The following NLGN1 variants were observed in gnomAD, a reference collection of about 807,000 sequenced individuals.
NLGN1 encodes neuroligin-1.
Under a neutral mutation model 65.5 loss-of-function variants are expected in NLGN1, and 12 were observed. That is an observed-to-expected ratio of 0.18 (90% CI 0.12 to 0.30). The LOEUF (loss-of-function observed/expected upper bound fraction) is 0.30, where lower values mean the gene tolerates loss of function less well. Among genes scored for constraint, NLGN1 ranks in the 10% least tolerant of loss-of-function variants. NLGN1 has a pLI of 1.00. For missense variants in NLGN1, 750 were observed against 1,007.1 expected (o/e 0.74, Z 3.46); for synonymous variants, 350 against 359.5 (o/e 0.97, Z 0.30).
intron 4 of NLGN1, among the ~76,000 whole-genome samples, chr3:174,082,629 C>A (rs149358759): frequency 6.6e-6 from 1 of 151,446 alleles, no homozygotes; most frequent in African/African-American, 2.4e-5. Context: ...AAGATTGGAG[C>A]TTTGTTTTAA....
intron 4 of NLGN1, among the ~76,000 whole-genome samples, chr3:173,853,049 C>G (rs1727285695): frequency 6.6e-6 from 1 of 152,148 alleles, no homozygotes; most frequent in Non-Finnish European, 1.5e-5. Context: ...CAATTCTCTA[C>G]ACATTTATAC....
intron 4 of NLGN1, among the ~76,000 whole-genome samples, chr3:174,263,046 G>C (rs1477841906): frequency 7.3e-6 from 1 of 136,988 alleles, no homozygotes; most frequent in Admixed American, 7.5e-5. Flanking sequence ...TGTGGTCTGA[G>C]AGATAGTTTG....
At chr3:174,277,376 A>ATATT (rs1261158747) in intron 5 of NLGN1, among the ~76,000 whole-genome samples, 2 of 151,894 alleles carry the variant, frequency 1.3e-5, no homozygotes, top group Admixed American at 1.3e-4. Context: ...CATTTTTCCC[A>ATATT]TATTTTAGGA....
intron 2 of NLGN1, among the ~76,000 whole-genome samples, chr3:173,584,067 G>T (rs962359185): frequency 1.4e-5 from 2 of 143,546 alleles, no homozygotes; most frequent in African/African-American, 5.5e-5. Flanking sequence ...GGAAATTTTT[G>T]TAGACAAAAA....
intron 2 of NLGN1, among the ~76,000 whole-genome samples, chr3:173,553,724 T>A (rs2149271844): frequency 1.3e-5 from 2 of 152,330 alleles, no homozygotes; most frequent in East Asian, 3.9e-4. Context: ...AGTGGTTAGG[T>A]TTAACAACTA....
intron 3 of NLGN1, among the ~76,000 whole-genome samples, chr3:173,802,153 T>C (rs1184948186): frequency 6.6e-6 from 1 of 151,640 alleles, no homozygotes; most frequent in East Asian, 1.9e-4. Context: ...ATTTTTTTTT[T>C]CCTTTTGTTA....
chr3:173,661,668 G>A (rs555582101), intron 3 of NLGN1, among the ~76,000 whole-genome samples: 57 of 152,108 alleles, frequency 3.7e-4, no homozygotes, highest in African/African-American at 1.2e-3. Flanking sequence ...TTAGAGAAAT[G>A]TGTACTATTC....
intron 4 of NLGN1, among the ~76,000 whole-genome samples, chr3:174,002,891 G>T (rs779665829): frequency 2.0e-5 from 3 of 152,240 alleles, no homozygotes; most frequent in Non-Finnish European, 4.4e-5. Flanking sequence ...TGTAAGTGAA[G>T]ATTTTAAGCT....
At chr3:173,788,992 T>C (rs1353305266) in intron 3 of NLGN1, among the ~76,000 whole-genome samples, 1 of 151,900 alleles carries the variant, frequency 6.6e-6, no homozygotes, top group African/African-American at 2.4e-5. Flanking sequence ...GGTCAGGAGT[T>C]CCAGACCAAC....
intron 4 of NLGN1, among the ~76,000 whole-genome samples, chr3:173,819,373 G>T (rs1291692507): frequency 6.6e-6 from 1 of 151,992 alleles, no homozygotes. Flanking sequence ...ATCTCTAAAC[G>T]GTTCTCACTG....
chr3:174,266,793 T>C (rs1748331527), intron 4 of NLGN1, among the ~76,000 whole-genome samples: 1 of 152,196 alleles, frequency 6.6e-6, no homozygotes, highest in East Asian at 1.9e-4. Flanking sequence ...GTGGTAAATT[T>C]AACCCTATTT....
chr3:173,869,555 A>G (rs954000402), intron 4 of NLGN1, among the ~76,000 whole-genome samples: 2 of 152,174 alleles, frequency 1.3e-5, no homozygotes, highest in Non-Finnish European at 2.9e-5. Context: ...TTAAGAGGAC[A>G]GTTTTTCTGT....
rs554821573 is a variant in NLGN1 at position 173,539,815 on chromosome 3, C to CATATATAA, written c.-320-64460_-320-64459insATAAATAT. On this transcript the variant is annotated intron_variant, in intron 2 of 6. Transcript: ENST00000457714. ...ATATATACATATATATACATATATA[C>CATATATAA]ATATGTTATATATGTATATATGTTA... is the stretch of plus-strand genomic sequence containing the variant. Among the ~76,000 whole-genome samples, 14 of 131,534 alleles carry CATATATAA rather than the reference C, an allele frequency of 1.1e-4. 1 individual carries two copies. Among genetic ancestry groups the CATATATAA allele is most frequent in the South Asian group, 6.7e-4 (3 of 4,510 alleles). The allele number at this position is 131,534 out of a possible 152,430, so 86.3% of individuals were successfully genotyped here. A position where few individuals can be genotyped will look rare whatever the true frequency, so the allele number is the denominator to read the frequency against.
At chr3:173,761,338 G>T (rs2150209069) in intron 3 of NLGN1, among the ~76,000 whole-genome samples, 1 of 152,104 alleles carries the variant, frequency 6.6e-6, no homozygotes, top group Middle Eastern at 3.4e-3. Context: ...CTCCCTGGAG[G>T]TTGGCAGGGG....
At chr3:174,127,840 C>G (rs1016420145) in intron 4 of NLGN1, among the ~76,000 whole-genome samples, 15 of 152,080 alleles carry the variant, frequency 9.9e-5, no homozygotes, top group Non-Finnish European at 1.2e-4. Flanking sequence ...ATCACAAACA[C>G]AAATGTTTAT....
chr3:174,120,262 C>G (rs745936140), intron 4 of NLGN1, among the ~76,000 whole-genome samples: 2 of 151,806 alleles, frequency 1.3e-5, no homozygotes, highest in Admixed American at 1.3e-4. Context: ...CCGAGGCAGG[C>G]AGATCACAAG....
intron 3 of NLGN1, among the ~76,000 whole-genome samples, chr3:173,805,613 A>G (rs1042468858): frequency 2.6e-5 from 4 of 152,164 alleles, no homozygotes; most frequent in Admixed American, 6.5e-5. Flanking sequence ...TTCTACCAAG[A>G]TTTCATTACT....
At chr3:173,639,798 A>G (rs978533922) in intron 3 of NLGN1, among the ~76,000 whole-genome samples, 2 of 152,134 alleles carry the variant, frequency 1.3e-5, no homozygotes, top group South Asian at 2.1e-4. Context: ...TGCACATTTT[A>G]TAATGTTCAC....
At chr3:173,548,112 C>T (rs1262947552) in intron 2 of NLGN1, among the ~76,000 whole-genome samples, 1 of 152,078 alleles carries the variant, frequency 6.6e-6, no homozygotes, top group Non-Finnish European at 1.5e-5. Context: ...CTCTATTTTA[C>T]TTGTTCCAAG....
Sources: gnomAD v4.1 joint callset for allele counts (sites outside exome capture counted in the v4.1 genomes callset) on GRCh38, gnomAD v4.1.1 for gene constraint, MANE v1.5 for transcripts, NCBI Gene and HGNC (gene_info 2026-07-23, HGNC 2026-07-21) for gene names.